PCDH18: variants seen among roughly 807,000 people sequenced by gnomAD.
PCDH18 encodes the protein protocadherin 18, also known as protocadherin-18.
In PCDH18, 38 loss-of-function variants were observed where a neutral mutation model predicts 71.5. That is an observed-to-expected ratio of 0.53 (90% CI 0.41 to 0.70). The LOEUF is 0.70. Ranked by LOEUF, PCDH18 falls within the 30% of genes least tolerant of loss-of-function variation. PCDH18 has a pLI of 0.00. For synonymous variants in PCDH18, 565 were observed against 505.4 expected (o/e 1.12, Z -1.58); for missense variants, 1,334 against 1,384.6 (o/e 0.96, Z 0.58).
chr4:137,525,428 G>A (rs1467852184), intron 3 of PCDH18, among the ~76,000 whole-genome samples: 2 of 152,074 alleles, frequency 1.3e-5, no homozygotes, highest in South Asian at 2.1e-4. Context: ...TCTTTTAATG[G>A]CATTCAGATG....
chr4:137,526,630 C>T (rs549105210), intron 3 of PCDH18, among the ~76,000 whole-genome samples: 4 of 152,216 alleles, frequency 2.6e-5, no homozygotes, highest in Non-Finnish European at 5.9e-5. Context: ...AACAGGCTCT[C>T]AGGTACACGG....
intron 3 of PCDH18, among the ~76,000 whole-genome samples, chr4:137,527,844 T>C (rs1731524338): frequency 6.6e-6 from 1 of 152,188 alleles, no homozygotes; most frequent in Admixed American, 6.6e-5. Context: ...CGAAACTTAA[T>C]AGCATCTCTT....
Position 137,531,434 on chromosome 4 carries a change from A to AG in PCDH18, c.654dup (p.Ser219LeufsTer23). ...GACCTCTGAGGTACTCCCATGTCTG[A>AG]GGCAGTGAGCTGAAGCTCGTAGCTT... On this transcript the variant is annotated frameshift_variant, in exon 1 of 4. Coordinates refer to ENST00000344876, the MANE Select transcript of PCDH18 (RefSeq NM_019035.5). LOFTEE classifies it high-confidence loss of function. 6.2e-7 allele frequency: 1 copy of AG among 1,613,464 alleles called. No homozygotes were observed. Among genetic ancestry groups the AG allele is most frequent in the South Asian group, 1.1e-5 (1 of 90,970 alleles).
In PCDH18 at chr4:137,532,457, A is replaced by G. The variant is rs1028729219; in HGVS notation, c.-369T>C. The G allele has an allele frequency of 7.6e-5, 49 of 648,376 alleles. No individual in the cohort carries two copies. Among genetic ancestry groups the G allele is most frequent in the African/African-American group, 6.1e-4 (34 of 55,362 alleles). The allele number at this position is 648,376 out of a possible 1,614,324, so 40.2% of individuals were successfully genotyped here. ...TCTCCCTTTAGCTGCTCGGCTGCAG[A>G]CTAAACACCCGTGATTGCTGACTCC... On this transcript the variant is annotated 5_prime_UTR_variant, in exon 1 of 4. Coordinates refer to ENST00000344876, the MANE Select transcript of PCDH18 (RefSeq NM_019035.5).
At chr4:137,527,887 T>C (rs1731525651) in intron 3 of PCDH18, among the ~76,000 whole-genome samples, 1 of 152,194 alleles carries the variant, frequency 6.6e-6, no homozygotes, top group African/African-American at 2.4e-5. Context: ...ATTCCACTCT[T>C]GGGTCCCTGT....
chr4:137,523,458 T>C (rs991955913), intron 3 of PCDH18, among the ~76,000 whole-genome samples: 1 of 152,122 alleles, frequency 6.6e-6, no homozygotes, highest in African/African-American at 2.4e-5. Flanking sequence ...ATGATTTTTT[T>C]TTTCCTTCTT....
chr4:137,531,427 A>T lies in PCDH18; in HGVS notation c.662T>A (p.Met221Lys). The change falls in exon 1 of 4, where the codon ATG becomes AAG. Residue 221 changes from methionine (M) to lysine (K), a missense_variant. By Grantham distance (95) the Met-to-Lys change is moderately conservative. Coordinates refer to ENST00000344876, the MANE Select transcript of PCDH18 (RefSeq NM_019035.5). ...SYELQLTASD[M>K]GVPQRSGSSI... is the part of the protein sequence containing the mutation. ...TGAGCCAGACCTCTGAGGTACTCCC[A>T]TGTCTGAGGCAGTGAGCTGAAGCTC... 1 of 1,613,324 alleles carries T rather than the reference A, an allele frequency of 6.2e-7. No individual in the cohort carries two copies. The highest frequency in any genetic ancestry group is 8.5e-7 in the Non-Finnish European group (1 of 1,179,664).
rs748039467 is a variant in PCDH18, at chr4:137,531,699, A to G, written c.390T>C (p.Ile130=). The part of the protein sequence containing the change: ...LFHIEVEVLD[I]NDNSPQFSRS... ...TTGAAAACTGGGGAGAATTGTCATT[A>G]ATATCCAGCACTTCAACTTCAATAT... The change falls in exon 1 of 4, where the codon ATT becomes ATC. Residue 130 remains isoleucine (I), a synonymous_variant. Coordinates refer to ENST00000344876, the MANE Select transcript of PCDH18 (RefSeq NM_019035.5). 6.2e-7 allele frequency: 1 copy of G among 1,614,142 alleles called. No homozygotes were observed. The highest frequency in any genetic ancestry group is 1.1e-5 in the South Asian group (1 of 91,078).
rs1170412501 is a variant in PCDH18, at chr4:137,531,827, T to C, written c.262A>G (p.Ile88Val). The change falls in exon 1 of 4, where the codon ATA (isoleucine) becomes GTA (valine). Residue 88 changes from isoleucine (I) to valine (V), a missense_variant. Physicochemically the swap from Ile to Val is conservative, Grantham distance 29. Coordinates refer to ENST00000344876, the MANE Select transcript of PCDH18 (RefSeq NM_019035.5). ...TGTTCACGGTCAATTGTAGCCCCTATGCTGATTTCCCCATTATCCTCGTTT... is the reference window on the plus strand; with the variant it reads ...TGTTCACGGTCAATTGTAGCCCCTACGCTGATTTCCCCATTATCCTCGTTT... ...VVNEDNGEIS[I>V]GATIDREQLC... The C allele has an allele frequency of 6.2e-7, 1 of 1,614,186 alleles. No homozygotes were observed. Among genetic ancestry groups the C allele is most frequent in the South Asian group, 1.1e-5 (1 of 91,080 alleles).
rs369981996 is a variant in PCDH18 at position 137,531,462 on chromosome 4, C to T, written c.627G>A (p.Lys209=). 33 of 1,613,860 alleles carry T rather than the reference C, an allele frequency of 2.0e-5. No homozygotes were observed. The African/African-American group carries it at 4.3e-4, about 21-fold the overall frequency. The stretch of plus-strand genomic sequence containing the variant: ...CAGTGAGCTGAAGCTCGTAGCTTGA[C>T]TTCAGCTCCCGATCTAACTCTCTGA... ...IVVRELDREL[K]SSYELQLTAS... is the part of the protein sequence containing the mutation. The change falls in exon 1 of 4, where the codon AAG becomes AAA. Residue 209 remains lysine (K), a synonymous_variant. Transcript: ENST00000344876.
Position 137,532,372 on chromosome 4 carries a change from G to T in PCDH18, c.-284C>A. 1.4e-6 allele frequency: 1 copy of T among 702,128 alleles called. No individual in the cohort carries two copies. The highest frequency in any genetic ancestry group is 2.6e-6 in the Non-Finnish European group (1 of 384,890). 43.5% of individuals were successfully genotyped at this position (702,128 alleles called of 1,614,324 possible). On this transcript the variant is annotated 5_prime_UTR_variant, in exon 1 of 4. Coordinates refer to ENST00000344876, the MANE Select transcript of PCDH18 (RefSeq NM_019035.5). Reference sequence around the variant, plus strand: ...CCGCGTTTTCTCCCTTGTGTAGTCGGAATCCATCTATTGCAGGGTGCCGGT... The same window carrying T: ...CCGCGTTTTCTCCCTTGTGTAGTCGTAATCCATCTATTGCAGGGTGCCGGT...
rs776227411 is a variant in PCDH18, at chr4:137,528,716, C to G, written c.2576+16G>C. The G allele has an allele frequency of 6.2e-7, 1 of 1,609,146 alleles. No homozygotes were observed. The highest frequency in any genetic ancestry group is 8.5e-7 in the Non-Finnish European group (1 of 1,175,624). On this transcript the variant is annotated intron_variant, in intron 2 of 3. Coordinates refer to ENST00000344876, the MANE Select transcript of PCDH18 (RefSeq NM_019035.5). The stretch of plus-strand genomic sequence containing the variant: ...TTATGTTGAAACTTAATAGGTAACA[C>G]AAGAATAATTCATACCTGTAGCTCC...
rs1347769521 is a variant in PCDH18, at chr4:137,532,044, T to C, written c.45A>G (p.Ala15=). 3 of 1,612,448 alleles carry C rather than the reference T, an allele frequency of 1.9e-6. No individual in the cohort carries two copies. The highest frequency in any genetic ancestry group is 1.3e-5 in the African/African-American group (1 of 74,950). Residue 15 remains alanine (A), a synonymous_variant, in exon 1 of 4, where the codon GCA becomes GCG. Transcript: ENST00000344876. ...CGTGGTTGAAAGATACTATCAGAAG[T>C]GCAAAAACAAACCTAAAGTGCATTT... ...NAKMHFRFVF[A]LLIVSFNHDV...
Position 137,528,525 on chromosome 4 carries a change from C to A in PCDH18, c.2693G>T (p.Gly898Val). Reference sequence around the variant, plus strand: ...GAGAAACAGGTCGCTGAATCCTTCACCCAACAGCCTATCTATTGGAGAATC... The same window carrying A: ...GAGAAACAGGTCGCTGAATCCTTCAACCAACAGCCTATCTATTGGAGAATC... Reference protein sequence around the residue: ...GRDSPIDRLLGEGFSDLFLTD... With the variant: ...GRDSPIDRLLVEGFSDLFLTD... The change falls in exon 3 of 4, where the codon GGT becomes GTT. Residue 898 changes from glycine (G) to valine (V), a missense_variant. By Grantham distance (109) the Gly-to-Val change is moderately radical. Around this residue, in one of 3 missense-constraint regions of PCDH18, gnomAD observed 319 missense variants for 316.3 expected, o/e 1.01. Transcript: ENST00000344876. 8.1e-6 allele frequency: 13 copies of A among 1,613,878 alleles called. No homozygotes were observed. The highest frequency in any genetic ancestry group is 1.1e-5 in the Non-Finnish European group (13 of 1,179,846).
Position 137,520,934 on chromosome 4 carries a change from C to T in PCDH18, c.*95G>A, listed in dbSNP as rs537104290. 1.2e-5 allele frequency: 10 copies of T among 801,244 alleles called. No individual in the cohort carries two copies. The Admixed American group carries it at 1.9e-4, about 15-fold the overall frequency. The allele number at this position is 801,244 out of a possible 1,614,324, so 49.6% of individuals were successfully genotyped here. On this transcript the variant is annotated 3_prime_UTR_variant, in exon 4 of 4. Coordinates refer to ENST00000344876, the MANE Select transcript of PCDH18 (RefSeq NM_019035.5). The stretch of plus-strand genomic sequence containing the variant: ...ACAGACACATTTATGATAAATGCAA[C>T]TATTTGGCAATGCCAGTTCTTTCAG...
At position 137,520,911 on chromosome 4, in the gene PCDH18, A is replaced by G. The variant is rs371560932; in HGVS notation, c.*118T>C. 3.0e-6 allele frequency: 2 copies of G among 657,964 alleles called. No individual in the cohort carries two copies. The highest frequency in any genetic ancestry group is 5.9e-5 in the Admixed American group (2 of 33,844). 40.8% of individuals were successfully genotyped at this position (657,964 alleles called of 1,614,324 possible). On this transcript the variant is annotated 3_prime_UTR_variant, in exon 4 of 4. Coordinates refer to ENST00000344876, the MANE Select transcript of PCDH18 (RefSeq NM_019035.5). ...ACAGTATTTAATATTCAATATACAC[A>G]GACACATTTATGATAAATGCAACTA...
rs371797687 is a variant in PCDH18 at position 137,528,471 on chromosome 4, C to T, written c.2740+7G>A. On this transcript the variant is annotated splice_region_variant and intron_variant, in intron 3 of 3. Coordinates refer to ENST00000344876, the MANE Select transcript of PCDH18 (RefSeq NM_019035.5). ...AAAATAAAGATTTTCTATCACTACC[C>T]TCTTACCTGCTGGAATTCTTCCATC... is the stretch of plus-strand genomic sequence containing the variant. 1.5e-5 allele frequency: 24 copies of T among 1,613,094 alleles called. No individual in the cohort carries two copies. Among genetic ancestry groups the T allele is most frequent in the Middle Eastern group, 1.7e-4 (1 of 6,050 alleles).
At chr4:137,525,109 G>A (rs1384195534) in intron 3 of PCDH18, among the ~76,000 whole-genome samples, 1 of 152,118 alleles carries the variant, frequency 6.6e-6, no homozygotes, top group Non-Finnish European at 1.5e-5. Context: ...AATCATCCTG[G>A]TGAAGTGAAT....
chr4:137,530,150 C>G lies in PCDH18; in HGVS notation c.1939G>C (p.Val647Leu), dbSNP rs1731617577. 1.2e-6 allele frequency: 2 copies of G among 1,613,092 alleles called. No homozygotes were observed. The highest frequency in any genetic ancestry group is 1.7e-6 in the Non-Finnish European group (2 of 1,179,372). Residue 647 changes from valine to leucine, a missense_variant, in exon 1 of 4, where the codon GTT becomes CTT. Val to Leu is a conservative substitution (Grantham distance 32). Around this residue, in one of 3 missense-constraint regions of PCDH18, gnomAD observed 1,011 missense variants for 1,048.0 expected, o/e 0.96. Transcript: ENST00000344876. ...DIHTNVSMDS[V>L]PYTEWELSVI... is the part of the protein sequence containing the mutation. ...GACAGCTCCCATTCTGTGTAGGGAA[C>G]AGAATCCATGCTAACGTTGGTATGG...
Sources: gnomAD v4.1 joint callset for allele counts (sites outside exome capture counted in the v4.1 genomes callset) on GRCh38, gnomAD v4.1.1 for gene constraint, gnomAD v4.1.1 regional missense constraint, MANE v1.5 for transcripts, NCBI Gene and HGNC (gene_info 2026-07-23, HGNC 2026-07-21) for gene names.